Variants in POLR3B observed in about 807,000 individuals in gnomAD.
POLR3B encodes DNA-directed RNA polymerase III subunit RPC2.
POLR3B carries 96 observed loss-of-function variants against 147.4 expected under a neutral mutation model. The ratio of observed to expected loss-of-function variants is 0.65; its 90% CI spans 0.55 to 0.77. The LOEUF (loss-of-function observed/expected upper bound fraction) is 0.77, where lower values mean the gene tolerates loss of function less well. Ranked by LOEUF, POLR3B falls within the 30% of genes least tolerant of loss-of-function variation. The pLI is 0.00. For missense variants in POLR3B, 1,036 were observed against 1,413.5 expected, an observed-to-expected ratio of 0.73 and a Z score of 4.28; for synonymous variants, 461 against 485.9, an observed-to-expected ratio of 0.95 and a Z score of 0.67.
intron 12 of POLR3B, among the ~76,000 whole-genome samples, chr12:106,420,886 CT>C (rs2037365314): frequency 6.6e-6 from 1 of 152,102 alleles, no homozygotes; most frequent in African/African-American, 2.4e-5. Flanking sequence ...TATGTACCCC[CT>C]ACTCCATTCT....
chr12:106,411,208 A>G (rs2037221842), intron 12 of POLR3B, among the ~76,000 whole-genome samples: 1 of 152,030 alleles, frequency 6.6e-6, no homozygotes, highest in African/African-American at 2.4e-5. Flanking sequence ...GCACGATCTC[A>G]GCTCACTGCA....
intron 1 of POLR3B, among the ~76,000 whole-genome samples, chr12:106,361,134 CAT>C (rs1237984184): frequency 1.3e-5 from 2 of 152,136 alleles, no homozygotes; most frequent in Non-Finnish European, 2.9e-5. Flanking sequence ...CAGCTGTGCA[CAT>C]GAGGACATGT....
At chr12:106,363,938 T>A in intron 2 of POLR3B, 36 bp downstream of exon 2, 1 of 1,497,540 alleles carries the variant, frequency 6.7e-7, no homozygotes, top group Non-Finnish European at 9.2e-7. Flanking sequence ...TTGGTTATTT[T>A]TCAGATGAAA....
intron 9 of POLR3B, among the ~76,000 whole-genome samples, chr12:106,389,861 A>T (rs565132736): frequency 6.6e-6 from 1 of 152,288 alleles, no homozygotes; most frequent in South Asian, 2.1e-4. Context: ...GCAACTGTGA[A>T]TGGCCTCTGC....
intron 23 of POLR3B, among the ~76,000 whole-genome samples, chr12:106,492,163 C>CT (rs1195641668): frequency 2.0e-4 from 30 of 151,288 alleles, no homozygotes; most frequent in Admixed American, 4.6e-4. Context: ...CTTTTCTTAC[C>CT]TTTTTTTTTC....
At chr12:106,498,910 GA>G (rs1462581842) in intron 25 of POLR3B, among the ~76,000 whole-genome samples, 1 of 152,198 alleles carries the variant, frequency 6.6e-6, no homozygotes, top group Non-Finnish European at 1.5e-5. Context: ...GAACACTAGT[GA>G]AACTCAGCAT....
intron 26 of POLR3B, among the ~76,000 whole-genome samples, chr12:106,502,787 T>C (rs544578150): frequency 6.6e-6 from 1 of 152,314 alleles, no homozygotes; most frequent in African/African-American, 2.4e-5. Flanking sequence ...GGTACCGTAA[T>C]TGGGTTAGAT....
At chr12:106,501,604 G>C (rs1170268590) in intron 26 of POLR3B, among the ~76,000 whole-genome samples, 168 bp downstream of exon 26, 5 of 152,140 alleles carry the variant, frequency 3.3e-5, no homozygotes, top group Non-Finnish European at 7.4e-5. Flanking sequence ...AAATGAAAAA[G>C]TAGCAGCCAA....
chr12:106,421,920 G>A lies in POLR3B; in HGVS notation c.1102-5277G>A, dbSNP rs553126396. 1.5e-3 allele frequency among the ~76,000 whole-genome samples: 225 copies of A among 152,050 alleles called. 4 individuals are homozygous for A. The highest frequency in any genetic ancestry group is 0.014 in the South Asian group (69 of 4,808). ...TCACCATGTTGGCCAGGCTGGTCTC[G>A]AACTCCTGACCTCAAGTGATCCACC... On this transcript the variant is annotated intron_variant, in intron 12 of 27. Coordinates refer to ENST00000228347, the MANE Select transcript of POLR3B (RefSeq NM_018082.6).
At chr12:106,411,009 A>T in intron 12 of POLR3B, 49 bp downstream of exon 12, 3 of 1,572,052 alleles carry the variant, frequency 1.9e-6, no homozygotes, top group Non-Finnish European at 2.6e-6. Flanking sequence ...AATGAAAATT[A>T]ATTTGGTTTT....
chr12:106,398,462 C>G lies in POLR3B; in HGVS notation c.846+5309C>G, dbSNP rs547049474. 4.4e-3 allele frequency among the ~76,000 whole-genome samples: 667 copies of G among 152,314 alleles called. 2 individuals carry two copies. Among genetic ancestry groups the G allele is most frequent in the Non-Finnish European group, 7.7e-3 (521 of 68,034 alleles). ...AACCTCTGCAGACTTAAATGTCCCT[C>G]TCTGACAGCTTTGAAGAGAGTAGTG... is the stretch of plus-strand genomic sequence containing the variant. On this transcript the variant is annotated intron_variant, in intron 10 of 27. Coordinates refer to ENST00000228347, the MANE Select transcript of POLR3B (RefSeq NM_018082.6).
Position 106,471,865 on chromosome 12 carries a change from C to CT in POLR3B, c.2713+8257dup, listed in dbSNP as rs557095732. On this transcript the variant is annotated intron_variant, in intron 23 of 27. Coordinates refer to ENST00000228347, the MANE Select transcript of POLR3B (RefSeq NM_018082.6). Reference sequence around the variant, plus strand: ...ATGTATGTGTATAAACAAAGCAGTGCTTTTTTTTTTTTATACTTTAAGTTT... The same window carrying CT: ...ATGTATGTGTATAAACAAAGCAGTGCTTTTTTTTTTTTTATACTTTAAGTTT... Among the ~76,000 whole-genome samples, 425 of 143,566 alleles carry CT rather than the reference C, an allele frequency of 3.0e-3. 1 individual carries two copies. The highest frequency in any genetic ancestry group is 6.3e-3 in the Admixed American group (90 of 14,350). The allele number at this position is 143,566 out of a possible 152,430, so 94.2% of individuals were successfully genotyped here.
At chr12:106,361,160 T>C (rs1032259891) in intron 1 of POLR3B, among the ~76,000 whole-genome samples, 9 of 152,160 alleles carry the variant, frequency 5.9e-5, no homozygotes, top group African/African-American at 1.4e-4. Context: ...CTGGCTTTAG[T>C]GCTGAGCATT....
intron 22 of POLR3B, among the ~76,000 whole-genome samples, chr12:106,461,456 G>A (rs558071929): frequency 6.6e-6 from 1 of 152,248 alleles, no homozygotes; most frequent in East Asian, 1.9e-4. Context: ...ATAGTGCAGG[G>A]AGGAAAACCA....
chr12:106,470,880 C>T (rs956685996), intron 23 of POLR3B, among the ~76,000 whole-genome samples: 1 of 152,140 alleles, frequency 6.6e-6, no homozygotes, highest in Non-Finnish European at 1.5e-5. Context: ...TCGGCCACTA[C>T]TGGGAGGTGT....
intron 12 of POLR3B, among the ~76,000 whole-genome samples, chr12:106,425,167 T>C (rs1306647745): frequency 6.6e-6 from 1 of 152,234 alleles, no homozygotes; most frequent in East Asian, 1.9e-4. Flanking sequence ...GTGTTGAGCA[T>C]GGGCAATCTT....
intron 9 of POLR3B, among the ~76,000 whole-genome samples, chr12:106,391,685 CAGT>C (rs1236948952): frequency 6.6e-6 from 1 of 152,188 alleles, no homozygotes; most frequent in Non-Finnish European, 1.5e-5. Flanking sequence ...GGTTGCATGA[CAGT>C]AGTAGTTGTA....
chr12:106,463,606 G>A lies in POLR3B; in HGVS notation c.2699G>A (p.Arg900His), dbSNP rs1310407030. ...GAAATTGGAGACAAATTCAGCAGTCGTCATGGGCAAAAAGGTAAACTGTAT... is the reference window on the plus strand; with the variant it reads ...GAAATTGGAGACAAATTCAGCAGTCATCATGGGCAAAAAGGTAAACTGTAT... ...RPEIGDKFSS[R>H]HGQKGVCGLI... is the part of the protein sequence containing the mutation. The change falls in exon 23 of 28, where the codon CGT (arginine) becomes CAT (histidine). Residue 900 changes from arginine to histidine, a missense_variant. This residue lies in a region of POLR3B where 202 missense variants were observed against 272.8 expected (regional missense o/e 0.74). Coordinates refer to ENST00000228347, the MANE Select transcript of POLR3B (RefSeq NM_018082.6). 9 of 1,613,092 alleles carry A rather than the reference G, an allele frequency of 5.6e-6. No homozygotes were observed. Among genetic ancestry groups the A allele is most frequent in the East Asian group, 2.2e-5 (1 of 44,862 alleles).
intron 21 of POLR3B, among the ~76,000 whole-genome samples, chr12:106,457,743 A>T (rs1422117231): frequency 6.6e-6 from 1 of 152,232 alleles, no homozygotes; most frequent in East Asian, 1.9e-4. Context: ...AGGCTAGTGC[A>T]GGAGACTGAC....
Sources: allele counts gnomAD v4.1 joint callset (sites outside exome capture counted in the v4.1 genomes callset), GRCh38; gene constraint gnomAD v4.1.1; regional missense constraint gnomAD v4.1.1; transcripts MANE v1.5; gene names NCBI Gene and HGNC (gene_info 2026-07-23, HGNC 2026-07-21).